The following DGKI variants were observed in gnomAD, a reference collection of about 807,000 sequenced individuals.
DGKI encodes DAG kinase iota.
Under a neutral mutation model 147.5 loss-of-function variants are expected in DGKI, and 55 were observed. The ratio of observed to expected loss-of-function variants is 0.37; its 90% CI spans 0.30 to 0.47. The LOEUF (loss-of-function observed/expected upper bound fraction) is 0.47, where lower values mean the gene tolerates loss of function less well. Among genes scored for constraint, DGKI ranks in the 20% least tolerant of loss-of-function variants. The probability of loss-of-function intolerance (pLI) is 1.00; values close to 1 mark genes in which losing one functional copy is unlikely to be tolerated. For missense variants in DGKI, 1,007 were observed against 1,323.8 expected (o/e 0.76, Z 3.71); for synonymous variants, 469 against 477.1 (o/e 0.98, Z 0.22).
chr7:137,620,267 G>A (rs536174152), intron 7 of DGKI, among the ~76,000 whole-genome samples: 1 of 152,164 alleles, frequency 6.6e-6, no homozygotes, highest in African/African-American at 2.4e-5. Context: ...ATCGTTGCAT[G>A]GAATATTTAC....
intron 19 of DGKI, among the ~76,000 whole-genome samples, chr7:137,555,431 G>A (rs897559711): frequency 6.6e-6 from 1 of 151,858 alleles, no homozygotes; most frequent in Non-Finnish European, 1.5e-5. Flanking sequence ...GAGGCTTAGG[G>A]AGGAGGAGCT....
At chr7:137,741,707 G>A (rs917786062) in intron 1 of DGKI, among the ~76,000 whole-genome samples, 1 of 152,184 alleles carries the variant, frequency 6.6e-6, no homozygotes, top group Non-Finnish European at 1.5e-5. Context: ...GAGAATGACA[G>A]TACCTCATGG....
chr7:137,605,801 G>C (rs1353523614), intron 10 of DGKI, among the ~76,000 whole-genome samples: 1 of 152,196 alleles, frequency 6.6e-6, no homozygotes, highest in Non-Finnish European at 1.5e-5. Flanking sequence ...AGTTACCAAA[G>C]ACTGGGAAGG....
chr7:137,406,155 T>C (rs185351799), intron 30 of DGKI, among the ~76,000 whole-genome samples: 72 of 149,250 alleles, frequency 4.8e-4, no homozygotes, highest in Non-Finnish European at 9.4e-4. Context: ...AGAGAGTAGA[T>C]TGGAAGTGAT....
chr7:137,441,705 G>A (rs926588811), intron 28 of DGKI, among the ~76,000 whole-genome samples: 4 of 152,166 alleles, frequency 2.6e-5, no homozygotes, highest in Non-Finnish European at 4.4e-5. Context: ...ATTACAGAGG[G>A]AGGACTATTT....
intron 6 of DGKI, among the ~76,000 whole-genome samples, chr7:137,631,668 G>A (rs1227778053): frequency 6.6e-6 from 1 of 151,970 alleles, no homozygotes; most frequent in African/African-American, 2.4e-5. Context: ...TATACTAGAG[G>A]ATTTAACACA....
intron 12 of DGKI, 28 bp downstream of exon 12, chr7:137,597,819 A>G: frequency 2.5e-6 from 4 of 1,607,594 alleles, no homozygotes; most frequent in Non-Finnish European, 3.4e-6. Flanking sequence ...GAATTGGCAG[A>G]GAACTGGATT....
At position 137,846,923 on chromosome 7, in the gene DGKI, A is replaced by C; in HGVS notation, c.-61T>G. 2 of 1,057,820 alleles carry C rather than the reference A, an allele frequency of 1.9e-6. No homozygotes were observed. Among genetic ancestry groups the C allele is most frequent in the East Asian group, 5.6e-5 (1 of 17,894 alleles). 65.5% of individuals were successfully genotyped at this position (1,057,820 alleles called of 1,614,324 possible). A position where few individuals can be genotyped will look rare whatever the true frequency, so the allele number is the denominator to read the frequency against. ...TCCGCTCACTCCCCCGCCCCGGCCA[A>C]TCAGAGGCCGCCGCTCCCCGCCTCC... is the stretch of plus-strand genomic sequence containing the variant. On this transcript the variant is annotated 5_prime_UTR_variant, in exon 1 of 33. Transcript: ENST00000614521. This position sits in a 1 kb window ranked among gnomAD's most constrained non-coding sequence, Gnocchi z 4.0.
At chr7:137,421,203 T>C (rs1047453188) in intron 28 of DGKI, among the ~76,000 whole-genome samples, 2 of 152,162 alleles carry the variant, frequency 1.3e-5, no homozygotes, top group African/African-American at 4.8e-5. Context: ...CATGGCTACC[T>C]TCTCATCATC....
At chr7:137,760,231 G>A (rs977129585) in intron 1 of DGKI, among the ~76,000 whole-genome samples, 7 of 152,080 alleles carry the variant, frequency 4.6e-5, no homozygotes, top group East Asian at 1.9e-4. Context: ...AGAGCCCTGC[G>A]GGAAGAAACG....
chr7:137,459,624 G>A (rs112262009), intron 27 of DGKI, among the ~76,000 whole-genome samples: 4,891 of 151,536 alleles, frequency 0.032, 78 homozygotes, highest in South Asian at 0.071. Flanking sequence ...ACGGGCGCCC[G>A]CCACCACGCC....
chr7:137,397,830 T>G (rs927549627), intron 30 of DGKI, among the ~76,000 whole-genome samples: 3 of 152,216 alleles, frequency 2.0e-5, no homozygotes, highest in Non-Finnish European at 2.9e-5. Flanking sequence ...GGCTGTAAGA[T>G]ACTATACGTA....
At chr7:137,660,297 C>T (rs1822378901) in intron 3 of DGKI, among the ~76,000 whole-genome samples, 2 of 152,172 alleles carry the variant, frequency 1.3e-5, no homozygotes, top group Non-Finnish European at 1.5e-5. Context: ...CATTATATTA[C>T]ACTGTTCTAA....
At chr7:137,477,636 AAC>A (rs1423736414) in intron 23 of DGKI, among the ~76,000 whole-genome samples, 2 of 152,112 alleles carry the variant, frequency 1.3e-5, no homozygotes, top group Non-Finnish European at 2.9e-5. Flanking sequence ...GCAAATTGTA[AAC>A]ACAGTTTTAT....
intron 20 of DGKI, among the ~76,000 whole-genome samples, chr7:137,538,668 G>C (rs1054776453): frequency 5.3e-5 from 8 of 152,286 alleles, no homozygotes; most frequent in African/African-American, 1.9e-4. Context: ...AAGAAATGCA[G>C]TCCGATAGTT....
intron 3 of DGKI, among the ~76,000 whole-genome samples, chr7:137,677,313 A>G (rs1823068948): frequency 6.6e-6 from 1 of 152,230 alleles, no homozygotes; most frequent in Non-Finnish European, 1.5e-5. Flanking sequence ...GAAGGTAGCC[A>G]AGGCCCAAAG....
intron 1 of DGKI, among the ~76,000 whole-genome samples, chr7:137,807,545 G>C (rs1450708287): frequency 2.0e-5 from 3 of 152,104 alleles, no homozygotes; most frequent in African/African-American, 4.8e-5. Flanking sequence ...CACATCCCTG[G>C]GCCAGCACTT....
chr7:137,831,246 C>G (rs1207211355), intron 1 of DGKI, among the ~76,000 whole-genome samples: 1 of 152,034 alleles, frequency 6.6e-6, no homozygotes, highest in Non-Finnish European at 1.5e-5. Flanking sequence ...TTAACTTAAA[C>G]AAAAAGGAAT....
chr7:137,499,667 A>C (rs908629203), intron 21 of DGKI, among the ~76,000 whole-genome samples: 1 of 152,114 alleles, frequency 6.6e-6, no homozygotes, highest in African/African-American at 2.4e-5. Context: ...CACTCCAGTT[A>C]TCAGGCTCTC....
Sources: gnomAD v4.1 joint callset for allele counts (sites outside exome capture counted in the v4.1 genomes callset) on GRCh38, gnomAD v4.1.1 for gene constraint, Gnocchi (gnomAD v3.1) non-coding constraint, MANE v1.5 for transcripts, NCBI Gene and HGNC (gene_info 2026-07-23, HGNC 2026-07-21) for gene names.